The following MCTP1 variants were observed in gnomAD, a reference collection of about 807,000 sequenced individuals.
MCTP1 encodes the protein multiple C2 and transmembrane domain containing 1, also known as multiple C2 and transmembrane domain-containing protein 1.
In MCTP1, 69 loss-of-function variants were observed where a neutral mutation model predicts 120.6. The ratio of observed to expected loss-of-function variants is 0.57; its 90% CI spans 0.47 to 0.70. The LOEUF (loss-of-function observed/expected upper bound fraction) is 0.70, where lower values mean the gene tolerates loss of function less well. Ranked by LOEUF, MCTP1 falls within the 30% of genes least tolerant of loss-of-function variation. The pLI is 0.00. For synonymous variants in MCTP1, 529 were observed against 493.1 expected (o/e 1.07, Z -0.96); for missense variants, 1,203 against 1,248.8 (o/e 0.96, Z 0.55).
At chr5:95,233,430 G>A (rs1755188394) in intron 1 of MCTP1, among the ~76,000 whole-genome samples, 1 of 151,424 alleles carries the variant, frequency 6.6e-6, no homozygotes, top group South Asian at 2.1e-4. Context: ...CTGGGTTCAT[G>A]CCATTCTTCT....
chr5:95,210,348 C>T (rs965920358), intron 1 of MCTP1, among the ~76,000 whole-genome samples: 1 of 150,696 alleles, frequency 6.6e-6, no homozygotes, highest in Non-Finnish European at 1.5e-5. Context: ...CTTTATGAAT[C>T]TGGGTGCTCC....
chr5:94,959,763 T>G (rs1823654856), intron 2 of MCTP1, among the ~76,000 whole-genome samples: 1 of 152,000 alleles, frequency 6.6e-6, no homozygotes, highest in Admixed American at 6.5e-5. Flanking sequence ...CTCAAGGAAA[T>G]AAGAGAGGTC....
chr5:94,812,619 C>A (rs1273917565), intron 17 of MCTP1, among the ~76,000 whole-genome samples: 1 of 151,634 alleles, frequency 6.6e-6, no homozygotes, highest in Non-Finnish European at 1.5e-5. Context: ...TTACTATATA[C>A]AGAAAATTCA....
chr5:95,239,329 A>C (rs554482763), intron 1 of MCTP1, among the ~76,000 whole-genome samples: 2 of 152,206 alleles, frequency 1.3e-5, no homozygotes, highest in African/African-American at 4.8e-5. Context: ...TCATTGTCCG[A>C]GCACTCAATT....
intron 1 of MCTP1, among the ~76,000 whole-genome samples, chr5:95,167,720 T>C (rs112397350): frequency 6.6e-6 from 1 of 152,254 alleles, no homozygotes; most frequent in East Asian, 1.9e-4. Context: ...TTGAGAAGTG[T>C]CTGTTCATAT....
In MCTP1 at chr5:94,912,936, T is replaced by A; in HGVS notation, c.1391A>T (p.Lys464Ile). The A allele has an allele frequency of 6.2e-7, 1 of 1,604,834 alleles. No individual in the cohort carries two copies. The highest frequency in any genetic ancestry group is 1.3e-5 in the African/African-American group (1 of 74,328). ...QSLRLSDLHRKSHLWRGIVSI... is the reference protein window; with the variant it reads ...QSLRLSDLHRISHLWRGIVSI... ...GACTATTCCTCTCCAAAGATGCGATTTTCTGTGTAGGTCTGATAGGCGTAA... is the reference window on the plus strand; with the variant it reads ...GACTATTCCTCTCCAAAGATGCGATATTCTGTGTAGGTCTGATAGGCGTAA... Residue 464 changes from lysine to isoleucine, a missense_variant, in exon 9 of 23, where the codon AAA becomes ATA. By Grantham distance (102) the Lys-to-Ile change is moderately radical. This residue lies in a region of MCTP1 where 740 missense variants were observed against 871.1 expected (regional missense o/e 0.85). Coordinates refer to ENST00000515393, the MANE Select transcript of MCTP1 (RefSeq NM_024717.7).
chr5:94,924,351 A>G (rs1812469507), intron 6 of MCTP1, among the ~76,000 whole-genome samples: 1 of 152,156 alleles, frequency 6.6e-6, no homozygotes, highest in African/African-American at 2.4e-5. Flanking sequence ...AGTAAAGCAG[A>G]TATTTATTCC....
chr5:94,759,353 T>C (rs1561586364), intron 19 of MCTP1, among the ~76,000 whole-genome samples: 1 of 152,182 alleles, frequency 6.6e-6, no homozygotes, highest in African/African-American at 2.4e-5. Flanking sequence ...CAGAAGCTAG[T>C]TTCCACTGGG....
intron 1 of MCTP1, among the ~76,000 whole-genome samples, chr5:95,239,925 C>T (rs1755974881): frequency 6.6e-6 from 1 of 152,062 alleles, no homozygotes; most frequent in Non-Finnish European, 1.5e-5. Context: ...TGTTATTACA[C>T]ATTTTTATCC....
chr5:95,281,151 C>T (rs2152745884), intron 1 of MCTP1, among the ~76,000 whole-genome samples: 1 of 152,330 alleles, frequency 6.6e-6, no homozygotes, highest in East Asian at 1.9e-4. Flanking sequence ...GAGTACTGTG[C>T]TTGTGAACTG....
Position 94,841,191 on chromosome 5 carries a change from T to A in MCTP1, c.2436+27142A>T, listed in dbSNP as rs191886187. On this transcript the variant is annotated intron_variant, in intron 17 of 22. Coordinates refer to ENST00000515393, the MANE Select transcript of MCTP1 (RefSeq NM_024717.7). ...TCCACCCAGGGAACGGAAACAGGAA[T>A]AGAAAGGCATATCCCCAGGACAGAA... Among the ~76,000 whole-genome samples the A allele has an allele frequency of 3.3e-5, 5 of 152,256 alleles. No individual in the cohort carries two copies. In the East Asian group the frequency reaches 9.7e-4, roughly 29 times the overall value.
At chr5:94,816,687 A>G (rs1044668024) in intron 17 of MCTP1, among the ~76,000 whole-genome samples, 13 of 152,232 alleles carry the variant, frequency 8.5e-5, no homozygotes, top group African/African-American at 2.6e-4. Flanking sequence ...AGGGTAAGGC[A>G]AACATTTTCT....
chr5:94,915,237 T>C (rs1315522890), intron 8 of MCTP1, among the ~76,000 whole-genome samples: 1 of 152,220 alleles, frequency 6.6e-6, no homozygotes, highest in Non-Finnish European at 1.5e-5. Context: ...CTGATGGAAC[T>C]CAGAGTGGTT....
intron 18 of MCTP1, among the ~76,000 whole-genome samples, chr5:94,785,620 G>T (rs1378232273): frequency 1.3e-5 from 2 of 151,918 alleles, no homozygotes; most frequent in Non-Finnish European, 2.9e-5. Context: ...ATTAATAACA[G>T]AGTACAAATA....
At position 94,774,059 on chromosome 5, in the gene MCTP1, T is replaced by C. The variant is rs1355385355; in HGVS notation, c.2610+5051A>G. On this transcript the variant is annotated intron_variant, in intron 19 of 22. Transcript: ENST00000515393. ...CCGTCTCTACTAAAAATACAAAAAA[T>C]TAGCCGGGCGTAGTGGCGGGCGCCT... Among the ~76,000 whole-genome samples, 3 of 86,266 alleles carry C rather than the reference T, an allele frequency of 3.5e-5. 1 individual carries two copies. Among genetic ancestry groups the C allele is most frequent in the African/African-American group, 1.6e-4 (3 of 19,198 alleles). The allele number at this position is 86,266 out of a possible 152,430, so 56.6% of individuals were successfully genotyped here. A position where few individuals can be genotyped will look rare whatever the true frequency, so the allele number is the denominator to read the frequency against.
chr5:94,947,328 C>T (rs769207231), intron 3 of MCTP1, among the ~76,000 whole-genome samples: 9 of 151,676 alleles, frequency 5.9e-5, no homozygotes, highest in South Asian at 2.1e-4. Flanking sequence ...GTTCACTGTC[C>T]GTGCCTAATT....
At chr5:94,764,071 G>T (rs1374906202) in intron 19 of MCTP1, among the ~76,000 whole-genome samples, 2 of 152,144 alleles carry the variant, frequency 1.3e-5, no homozygotes, top group Admixed American at 6.5e-5. Context: ...CAGGACTCAG[G>T]CTAAAGGAGT....
chr5:95,026,003 A>C (rs973178941), intron 1 of MCTP1, among the ~76,000 whole-genome samples: 3 of 152,142 alleles, frequency 2.0e-5, no homozygotes, highest in African/African-American at 7.2e-5. Flanking sequence ...TTTTTATATA[A>C]ATAAAGAGAG....
chr5:94,885,324 A>AAG (rs1461558972), intron 12 of MCTP1, among the ~76,000 whole-genome samples: 1 of 151,684 alleles, frequency 6.6e-6, no homozygotes, highest in African/African-American at 2.4e-5. Context: ...AACAGAGAGA[A>AAG]AGAGAGAGAG....
Sources: allele counts gnomAD v4.1 joint callset (sites outside exome capture counted in the v4.1 genomes callset), GRCh38; gene constraint gnomAD v4.1.1; regional missense constraint gnomAD v4.1.1; transcripts MANE v1.5; gene names NCBI Gene and HGNC (gene_info 2026-07-23, HGNC 2026-07-21).